Variants in MAPK1IP1L observed in about 807,000 individuals in gnomAD.
The protein encoded by MAPK1IP1L is mitogen-activated protein kinase 1 interacting protein 1 like.
Under a neutral mutation model 18.1 loss-of-function variants are expected in MAPK1IP1L, and 10 were observed. The ratio of observed to expected loss-of-function variants is 0.55; its 90% CI spans 0.34 to 0.94. The LOEUF is 0.94. Ranked by LOEUF, MAPK1IP1L falls within the 40% of genes least tolerant of loss-of-function variation. MAPK1IP1L has a pLI of 0.02. For missense variants in MAPK1IP1L, 260 were observed against 318.2 expected (o/e 0.82, Z 1.39); for synonymous variants, 115 against 117.3 (o/e 0.98, Z 0.13).
chr14:55,061,301 T>G (rs1488605254), intron 1 of MAPK1IP1L, among the ~76,000 whole-genome samples: 1 of 152,252 alleles, frequency 6.6e-6, no homozygotes, highest in East Asian at 1.9e-4. Context: ...AAATGGATTT[T>G]AGATAAATTT....
chr14:55,060,684 CT>C (rs1264774404), intron 1 of MAPK1IP1L: 2 of 152,188 alleles, frequency 1.3e-5, no homozygotes, highest in African/African-American at 4.8e-5. Flanking sequence ...CATGAGTAAA[CT>C]TTCTGGAGTG....
Position 55,061,657 on chromosome 14 carries a change from CTTCAT to C in MAPK1IP1L, c.-4-19_-4-15del, listed in dbSNP as rs1227999856. The C allele has an allele frequency of 5.9e-6, 9 of 1,524,222 alleles. No homozygotes were observed. Among genetic ancestry groups the C allele is most frequent in the South Asian group, 1.2e-5 (1 of 82,384 alleles). 94.4% of individuals were successfully genotyped at this position (1,524,222 alleles called of 1,614,324 possible). ...CTGATTTTGAAATTTTTCTTTCTTC[CTTCAT>C]TTCTTTTCTTTTTTTAGGAAAATGT... On this transcript the variant is annotated intron_variant, in intron 1 of 3. Coordinates refer to ENST00000395468, the MANE Select transcript of MAPK1IP1L (RefSeq NM_144578.4).
chr14:55,062,602 C>G lies in MAPK1IP1L; in HGVS notation c.19-16C>G. ...TTTTCCCTAGATAGGAAAGACGTAT[C>G]TGTTTTGTGTTCCAGTTGGCAGATG... is the stretch of plus-strand genomic sequence containing the variant. On this transcript the variant is annotated splice_polypyrimidine_tract_variant and intron_variant, in intron 2 of 3. Transcript: ENST00000395468. The G allele has an allele frequency of 6.3e-7, 1 of 1,592,856 alleles. No homozygotes were observed. The highest frequency in any genetic ancestry group is 8.6e-7 in the Non-Finnish European group (1 of 1,166,908).
At chr14:55,059,225 GAAA>G (rs3078612) in intron 1 of MAPK1IP1L, among the ~76,000 whole-genome samples, 105 of 63,268 alleles carry the variant, frequency 1.7e-3, no homozygotes, top group Middle Eastern at 0.01. Context: ...AGGAAAATCT[GAAA>G]AAAAAAAAAA....
At chr14:55,061,780 CT>C in intron 2 of MAPK1IP1L, 79 bp downstream of exon 2, 1 of 1,166,148 alleles carries the variant, frequency 8.6e-7, no homozygotes, top group Non-Finnish European at 1.2e-6. Context: ...CTACGTAAAT[CT>C]TTTCACTTAA....
chr14:55,062,766 G>C lies in MAPK1IP1L; in HGVS notation c.167G>C (p.Ser56Thr), dbSNP rs147614556. Residue 56 changes from serine (S) to threonine (T), a missense_variant, in exon 3 of 4, where the codon AGT (serine) becomes ACT (threonine). By Grantham distance (58) the Ser-to-Thr change is moderately conservative. Coordinates refer to ENST00000395468, the MANE Select transcript of MAPK1IP1L (RefSeq NM_144578.4). ...PSSVPSGLPP[S>T]ATPSTVPFGP... Reference sequence around the variant, plus strand: ...TCAGTGCCATCTGGACTCCCACCAAGTGCAACACCCTCCACTGTGCCTTTT... The same window carrying C: ...TCAGTGCCATCTGGACTCCCACCAACTGCAACACCCTCCACTGTGCCTTTT... 1.2e-6 allele frequency: 2 copies of C among 1,614,138 alleles called. No homozygotes were observed. The highest frequency in any genetic ancestry group is 8.5e-7 in the Non-Finnish European group (1 of 1,180,028).
At chr14:55,059,426 G>A (rs2042798397) in intron 1 of MAPK1IP1L, among the ~76,000 whole-genome samples, 1 of 152,026 alleles carries the variant, frequency 6.6e-6, no homozygotes, top group African/African-American at 2.4e-5. Flanking sequence ...GAGCTCCGGA[G>A]TTCAAGACCA....
chr14:55,054,696 T>C (rs1202700870), intron 1 of MAPK1IP1L, among the ~76,000 whole-genome samples: 2 of 152,214 alleles, frequency 1.3e-5, no homozygotes, highest in Non-Finnish European at 2.9e-5. Context: ...TTCATCACTG[T>C]GTAGTCCCAT....
At chr14:55,057,802 T>C (rs1489387349) in intron 1 of MAPK1IP1L, among the ~76,000 whole-genome samples, 1 of 151,436 alleles carries the variant, frequency 6.6e-6, no homozygotes, top group Non-Finnish European at 1.5e-5. Context: ...TTTTAAAAAT[T>C]AGCATGCCTA....
Position 55,062,526 on chromosome 14 carries a change from G to A in MAPK1IP1L, c.19-92G>A, listed in dbSNP as rs2042825440. The A allele has an allele frequency of 3.0e-6, 3 of 983,956 alleles. No individual in the cohort carries two copies. The South Asian group carries it at 5.2e-5, about 17-fold the overall frequency. The allele number at this position is 983,956 out of a possible 1,614,324, so 61.0% of individuals were successfully genotyped here. ...GATATTCTTGAGGTTTATAATCCCT[G>A]CCCCTATAGGTTACTATTCTCTGTG... On this transcript the variant is annotated intron_variant, in intron 2 of 3. Coordinates refer to ENST00000395468, the MANE Select transcript of MAPK1IP1L (RefSeq NM_144578.4).
chr14:55,061,734 T>C, intron 2 of MAPK1IP1L, 33 bp downstream of exon 2: 3 of 1,525,058 alleles, frequency 2.0e-6, no homozygotes, highest in Non-Finnish European at 2.7e-6. Flanking sequence ...GATAAGTTTT[T>C]CATCTCTTAA....
chr14:55,058,602 G>A (rs759744222), intron 1 of MAPK1IP1L, among the ~76,000 whole-genome samples: 41 of 152,228 alleles, frequency 2.7e-4, no homozygotes, highest in Non-Finnish European at 4.1e-4. Flanking sequence ...AGGCTGAGGC[G>A]GGCGGATCAC....
chr14:55,052,317 C>G (rs190693810), intron 1 of MAPK1IP1L, among the ~76,000 whole-genome samples: 1 of 152,154 alleles, frequency 6.6e-6, no homozygotes, highest in Non-Finnish European at 1.5e-5. Flanking sequence ...AAGATTCTTA[C>G]AAGAGTCTCG....
At position 55,067,694 on chromosome 14, in the gene MAPK1IP1L, T is replaced by C. The variant is rs557319505; in HGVS notation, c.*3067T>C. 6.6e-6 allele frequency: 1 copy of C among 152,302 alleles called. No individual in the cohort carries two copies. The highest frequency in any genetic ancestry group is 1.5e-5 in the Non-Finnish European group (1 of 68,018). The allele number at this position is 152,302 out of a possible 1,614,324, so 9.4% of individuals were successfully genotyped here. A position where few individuals can be genotyped will look rare whatever the true frequency, so the allele number is the denominator to read the frequency against. On this transcript the variant is annotated 3_prime_UTR_variant, in exon 4 of 4. Transcript: ENST00000395468. ...CTGAGATTACAGGCGTGAGCCACCA[T>C]GCGTGACCTTTTTTTCTTTTTAAAA... is the stretch of plus-strand genomic sequence containing the variant.
At chr14:55,056,318 T>G (rs2042770848) in intron 1 of MAPK1IP1L, among the ~76,000 whole-genome samples, 1 of 152,252 alleles carries the variant, frequency 6.6e-6, no homozygotes. Context: ...TGGTTCACTT[T>G]GATTCTCAAC....
At chr14:55,055,225 C>T (rs1043860297) in intron 1 of MAPK1IP1L, among the ~76,000 whole-genome samples, 2 of 152,174 alleles carry the variant, frequency 1.3e-5, no homozygotes, top group African/African-American at 2.4e-5. Flanking sequence ...CCTCAGCCTC[C>T]TGAGAAGCTG....
rs559202160 is a variant in MAPK1IP1L, at chr14:55,052,494, C to T, written c.-5+691C>T. ...CATACCTGCGATAGCGTATGCATAG[C>T]TGGACCGTTTTCCTCTTTACCTTGA... On this transcript the variant is annotated intron_variant, in intron 1 of 3. Transcript: ENST00000395468. Among the ~76,000 whole-genome samples the T allele has an allele frequency of 3.3e-5, 5 of 152,298 alleles. No homozygotes were observed. In the East Asian group the frequency reaches 9.6e-4, roughly 29 times the overall value.
rs775774199 is a variant in MAPK1IP1L at position 55,063,125 on chromosome 14, G to A, written c.526G>A (p.Ala176Thr). 1.2e-5 allele frequency: 20 copies of A among 1,613,416 alleles called. No homozygotes were observed. Among genetic ancestry groups the A allele is most frequent in the Non-Finnish European group, 1.6e-5 (19 of 1,179,992 alleles). The change falls in exon 3 of 4, where the codon GCT becomes ACT. Residue 176 changes from alanine to threonine, a missense_variant. Transcript: ENST00000395468. ...ATATCCATCTCCAGGCCCATATCCC[G>A]CTCCTCCTCCTCCCCAAGCCCCTGG... ...MPYPSPGPYP[A>T]PPPPQAPGAA...
At position 55,068,609 on chromosome 14, in the gene MAPK1IP1L, T is replaced by A. The variant is rs776624907; in HGVS notation, c.*3982T>A. On this transcript the variant is annotated 3_prime_UTR_variant, in exon 4 of 4. Coordinates refer to ENST00000395468, the MANE Select transcript of MAPK1IP1L (RefSeq NM_144578.4). ...TAAATTCAGATAAATCACACTGATA[T>A]ATTGTACTATGCATAGAAAGTTGTA... 6 of 151,760 alleles carry A rather than the reference T, an allele frequency of 4.0e-5. No individual in the cohort carries two copies. Among genetic ancestry groups the A allele is most frequent in the Non-Finnish European group, 5.9e-5 (4 of 68,024 alleles). The allele number at this position is 151,760 out of a possible 1,614,324, so 9.4% of individuals were successfully genotyped here.
Sources: allele counts gnomAD v4.1 joint callset (sites outside exome capture counted in the v4.1 genomes callset), GRCh38; gene constraint gnomAD v4.1.1; transcripts MANE v1.5; gene names NCBI Gene and HGNC (gene_info 2026-07-23, HGNC 2026-07-21).